The following RBFOX1 variants were observed in gnomAD, a reference collection of about 807,000 sequenced individuals.
The protein encoded by RBFOX1 is RNA binding fox-1 homolog 1.
Under a neutral mutation model 57.7 loss-of-function variants are expected in RBFOX1, and 8 were observed. The ratio of observed to expected loss-of-function variants is 0.14; its 90% CI spans 0.08 to 0.25. RBFOX1 has a LOEUF of 0.25. Among genes scored for constraint, RBFOX1 ranks in the 10% least tolerant of loss-of-function variants. The pLI, the probability that RBFOX1 is intolerant of heterozygous loss-of-function variation, is 1.00. For synonymous variants in RBFOX1, 326 were observed against 222.4 expected, an observed-to-expected ratio of 1.47 and a Z score of -4.15; for missense variants, 611 against 548.5, an observed-to-expected ratio of 1.11 and a Z score of -1.14.
intron 2 of RBFOX1, among the ~76,000 whole-genome samples, chr16:6,399,834 G>A (rs911049385): frequency 6.6e-6 from 1 of 152,224 alleles, no homozygotes; most frequent in Admixed American, 6.5e-5. Flanking sequence ...GAAAGTTACA[G>A]TCATCATGGA....
chr16:6,829,246 GAA>G (rs60363543), intron 3 of RBFOX1, among the ~76,000 whole-genome samples: 5,064 of 141,472 alleles, frequency 0.036, 253 homozygotes, highest in African/African-American at 0.11. Flanking sequence ...AATGCAGTCA[GAA>G]AAAAAAAAAA....
intron 4 of RBFOX1, among the ~76,000 whole-genome samples, chr16:7,257,360 A>T (rs1434462410): frequency 6.6e-6 from 1 of 152,006 alleles, no homozygotes; most frequent in East Asian, 1.9e-4. Flanking sequence ...ATTACATGCA[A>T]CCTCATGAGA....
intron 2 of RBFOX1, among the ~76,000 whole-genome samples, chr16:6,432,631 G>A (rs903850859): frequency 1.3e-5 from 2 of 152,034 alleles, no homozygotes; most frequent in Non-Finnish European, 2.9e-5. Flanking sequence ...GCAGTGAGCC[G>A]AGATCGCAGC....
intron 1 of RBFOX1, among the ~76,000 whole-genome samples, chr16:6,306,808 A>T (rs778193983): frequency 1.8e-4 from 28 of 152,138 alleles, no homozygotes; most frequent in Non-Finnish European, 3.4e-4. Flanking sequence ...CTGATATACT[A>T]TGCCTTGCAC....
At chr16:6,051,401 T>C (rs2152435679) in intron 1 of RBFOX1, among the ~76,000 whole-genome samples, 1 of 152,220 alleles carries the variant, frequency 6.6e-6, no homozygotes, top group East Asian at 1.9e-4. Flanking sequence ...GATATTGGCT[T>C]ACTGCAACCT....
chr16:7,651,112 T>C (rs1215252944), intron 11 of RBFOX1, among the ~76,000 whole-genome samples: 2 of 152,170 alleles, frequency 1.3e-5, no homozygotes, highest in South Asian at 2.1e-4. Context: ...CAGATACAAA[T>C]AGAAAGACGG....
chr16:6,760,576 C>T (rs748968658), intron 3 of RBFOX1, among the ~76,000 whole-genome samples: 4 of 152,126 alleles, frequency 2.6e-5, no homozygotes, highest in Admixed American at 1.3e-4. Flanking sequence ...GACAGTTTAG[C>T]ATTTGATCTT....
At chr16:7,600,203 C>T (rs1267645976) in intron 9 of RBFOX1, among the ~76,000 whole-genome samples, 1 of 152,114 alleles carries the variant, frequency 6.6e-6, no homozygotes, top group African/African-American at 2.4e-5. Flanking sequence ...AAAGGGAACT[C>T]AGAGAATTGT....
At chr16:7,638,460 T>C (rs1407565587) in intron 11 of RBFOX1, among the ~76,000 whole-genome samples, 1 of 152,084 alleles carries the variant, frequency 6.6e-6, no homozygotes, top group Non-Finnish European at 1.5e-5. Flanking sequence ...CTCCAAGAAA[T>C]GGCTGAGCAG....
intron 5 of RBFOX1, among the ~76,000 whole-genome samples, chr16:7,520,216 A>G (rs1015798828): frequency 3.3e-5 from 5 of 152,142 alleles, no homozygotes; most frequent in African/African-American, 9.7e-5. Flanking sequence ...AAAATGGTAT[A>G]CATTCTGAAA....
At chr16:5,354,200 G>T (rs535955525) in intron 1 of RBFOX1, among the ~76,000 whole-genome samples, 283 of 152,286 alleles carry the variant, frequency 1.9e-3, no homozygotes, top group African/African-American at 6.7e-3. Context: ...TGTCGGCCTT[G>T]GCTGATGTCT....
At chr16:5,407,676 G>A (rs1299108474) in intron 1 of RBFOX1, among the ~76,000 whole-genome samples, 1 of 152,166 alleles carries the variant, frequency 6.6e-6, no homozygotes, top group East Asian at 1.9e-4. Context: ...AGCCTCCTGA[G>A]TAGCTGGGAT....
chr16:5,413,389 A>G (rs866020313), intron 1 of RBFOX1, among the ~76,000 whole-genome samples: 3 of 152,160 alleles, frequency 2.0e-5, no homozygotes, highest in Non-Finnish European at 4.4e-5. Context: ...TGCTTGACCT[A>G]GGGTTGCAGC....
chr16:6,050,179 C>G (rs947055752), intron 1 of RBFOX1, among the ~76,000 whole-genome samples: 4 of 152,086 alleles, frequency 2.6e-5, no homozygotes, highest in African/African-American at 9.7e-5. Context: ...AGGCTGGTTT[C>G]AAACTCCTGA....
intron 2 of RBFOX1, among the ~76,000 whole-genome samples, chr16:6,648,505 C>T (rs1303494173): frequency 7.2e-5 from 11 of 152,208 alleles, no homozygotes; most frequent in East Asian, 1.9e-4. Flanking sequence ...AGTCTAGTGC[C>T]GTGAGTCTAA....
intron 4 of RBFOX1, among the ~76,000 whole-genome samples, chr16:7,078,603 C>T (rs909566275): frequency 6.6e-6 from 1 of 152,050 alleles, no homozygotes; most frequent in African/African-American, 2.4e-5. Context: ...CCACTTTGGC[C>T]TCCTGATGTG....
chr16:6,617,554 T>C (rs17134975), intron 2 of RBFOX1, among the ~76,000 whole-genome samples: 13,930 of 152,042 alleles, frequency 0.092, 1,113 homozygotes, highest in African/African-American at 0.21. Flanking sequence ...CATGTGGTTA[T>C]AGACAGGGCT....
chr16:5,852,434 G>A (rs1218680743), intron 3 of RBFOX1, among the ~76,000 whole-genome samples: 1 of 152,196 alleles, frequency 6.6e-6, no homozygotes, highest in Non-Finnish European at 1.5e-5. Context: ...TCTGAATGTG[G>A]ATAGCTCCAG....
chr16:5,884,286 C>G (rs992434466), intron 4 of RBFOX1, among the ~76,000 whole-genome samples: 24 of 152,080 alleles, frequency 1.6e-4, no homozygotes, highest in African/African-American at 5.6e-4. Flanking sequence ...CAGTTGAGAG[C>G]TTTTATTGTA....
Sources: allele counts gnomAD v4.1 joint callset (sites outside exome capture counted in the v4.1 genomes callset), GRCh38; gene constraint gnomAD v4.1.1; transcripts MANE v1.5; gene names NCBI Gene and HGNC (gene_info 2026-07-23, HGNC 2026-07-21).